Variants in PCDHA2 observed in about 807,000 individuals in gnomAD.
PCDHA2 encodes protocadherin alpha 2.
In PCDHA2, 58 loss-of-function variants were observed where a neutral mutation model predicts 66.0. That is an observed-to-expected ratio of 0.88 (90% CI 0.71 to 1.09). The LOEUF (loss-of-function observed/expected upper bound fraction) is 1.09, where lower values mean the gene tolerates loss of function less well. Ranked by LOEUF, PCDHA2 falls within the 50% of genes least tolerant of loss-of-function variation. The pLI is 0.00. For missense variants in PCDHA2, 1,267 were observed against 1,242.3 expected (o/e 1.02, Z -0.30); for synonymous variants, 634 against 554.0 (o/e 1.14, Z -2.03).
chr5:140,843,055 C>G lies in PCDHA2; in HGVS notation c.2388+45703C>G, dbSNP rs2150351247. 2.5e-6 allele frequency: 4 copies of G among 1,594,954 alleles called. No homozygotes were observed. In the African/African-American group the frequency reaches 4.0e-5, roughly 16 times the overall value. Reference sequence around the variant, plus strand: ...TGGGTGGCACTGGTGGCGCAGCGAGCAAGCTGGTGCCGCGGTCTGTGGGCG... The same window carrying G: ...TGGGTGGCACTGGTGGCGCAGCGAGGAAGCTGGTGCCGCGGTCTGTGGGCG... On this transcript the variant is annotated intron_variant, in intron 1 of 3. Transcript: ENST00000526136.
intron 3 of PCDHA2, among the ~76,000 whole-genome samples, chr5:140,997,912 A>T (rs2097790316): frequency 1.3e-5 from 2 of 152,224 alleles, no homozygotes. Context: ...GTAGAATTAC[A>T]GAATCATAGG....
chr5:140,913,164 T>C (rs1211762965), intron 1 of PCDHA2, among the ~76,000 whole-genome samples: 1 of 152,208 alleles, frequency 6.6e-6, no homozygotes, highest in Non-Finnish European at 1.5e-5. Flanking sequence ...GGATTGGTAT[T>C]AGTTCTTCTT....
chr5:140,870,552 G>A, intron 1 of PCDHA2: 2 of 1,614,042 alleles, frequency 1.2e-6, no homozygotes, highest in Non-Finnish European at 1.7e-6. Context: ...ACGCGGACGC[G>A]CAGGAGAACG....
chr5:140,882,303 G>A, intron 1 of PCDHA2: 1 of 1,613,824 alleles, frequency 6.2e-7, no homozygotes. Context: ...CCAAGACCGC[G>A]GCAACTACTG....
At chr5:140,927,716 G>T (rs782756674) in intron 1 of PCDHA2, 1 of 1,614,190 alleles carries the variant, frequency 6.2e-7, no homozygotes, top group South Asian at 1.1e-5. Context: ...CTAAGCAACA[G>T]CACGCAAGCA....
intron 1 of PCDHA2, among the ~76,000 whole-genome samples, chr5:140,922,088 T>C (rs1361534405): frequency 6.6e-6 from 1 of 152,184 alleles, no homozygotes; most frequent in Non-Finnish European, 1.5e-5. Context: ...AAGTGGTATT[T>C]CTACCAACTA....
In PCDHA2 at chr5:141,005,701, CAAAAAAAA is replaced by C. The variant is rs59860837; in HGVS notation, c.2537-3903_2537-3896del. Among the ~76,000 whole-genome samples, 45 of 7,788 alleles carry C rather than the reference CAAAAAAAA, an allele frequency of 5.8e-3. No individual in the cohort carries two copies. In the East Asian group the frequency reaches 0.064, roughly 11 times the overall value. 5.1% of individuals were successfully genotyped at this position (7,788 alleles called of 152,430 possible). A position where few individuals can be genotyped will look rare whatever the true frequency, so the allele number is the denominator to read the frequency against. On this transcript the variant is annotated intron_variant, in intron 3 of 3. Coordinates refer to ENST00000526136, the MANE Select transcript of PCDHA2 (RefSeq NM_018905.3). ...TGGGCGACAGAGCGAAACTCCGTCT[CAAAAAAAA>C]AAAAAAAAAAAAAAAAAAAAAAGAA...
chr5:140,808,957 G>A, intron 1 of PCDHA2: 4 of 1,613,546 alleles, frequency 2.5e-6, no homozygotes, highest in Non-Finnish European at 3.4e-6. Context: ...TGGGCCACGT[G>A]GTGGCAAAGG....
chr5:140,854,159 C>CAAAAA (rs59855104), intron 1 of PCDHA2: 4,589 of 339,800 alleles, frequency 0.014, 33 homozygotes, highest in Middle Eastern at 0.024. Flanking sequence ...GATTCTGTCT[C>CAAAAA]AAAAAAAAAA....
At chr5:140,842,699 T>A in intron 1 of PCDHA2, 3 of 1,595,060 alleles carry the variant, frequency 1.9e-6, no homozygotes, top group Non-Finnish European at 2.6e-6. Context: ...GCAGCCCGAG[T>A]ACACGGTGTT....
At chr5:140,877,881 G>T (rs782565949) in intron 1 of PCDHA2, 73 of 1,468,602 alleles carry the variant, frequency 5.0e-5, no homozygotes, top group Non-Finnish European at 5.9e-5. Flanking sequence ...TTTCCTTGAA[G>T]AACTTCCGTT....
chr5:140,858,120 T>A, intron 1 of PCDHA2: 1 of 1,597,738 alleles, frequency 6.3e-7, no homozygotes, highest in Non-Finnish European at 8.6e-7. Context: ...GAGGTGGCCC[T>A]GGTGGATGTC....
At chr5:140,853,891 G>T in intron 1 of PCDHA2, 1 of 976,002 alleles carries the variant, frequency 1.0e-6, no homozygotes. Flanking sequence ...AATTTAAAAA[G>T]ATGTGGTGGC....
chr5:140,897,720 G>A (rs1457512042), intron 1 of PCDHA2, among the ~76,000 whole-genome samples: 1 of 152,086 alleles, frequency 6.6e-6, no homozygotes, highest in Non-Finnish European at 1.5e-5. Context: ...GGGATGGCTG[G>A]GTCAAATAGT....
chr5:140,874,547 G>C (rs2054980934), intron 1 of PCDHA2, among the ~76,000 whole-genome samples: 1 of 152,190 alleles, frequency 6.6e-6, no homozygotes, highest in Non-Finnish European at 1.5e-5. Context: ...AACCCTTTAA[G>C]AGATCTTTCG....
chr5:141,002,399 T>C (rs1352771753), intron 3 of PCDHA2, among the ~76,000 whole-genome samples: 1 of 152,236 alleles, frequency 6.6e-6, no homozygotes, highest in African/African-American at 2.4e-5. Context: ...GGCATCTCTG[T>C]GCCTCCCAAA....
intron 1 of PCDHA2, among the ~76,000 whole-genome samples, chr5:140,895,618 T>C (rs569188891): frequency 1.1e-4 from 16 of 152,206 alleles, no homozygotes; most frequent in African/African-American, 3.9e-4. Context: ...TCATTGAGGG[T>C]GTTGTCTTTT....
chr5:140,980,762 T>C (rs1293384140), intron 2 of PCDHA2, among the ~76,000 whole-genome samples: 2 of 152,090 alleles, frequency 1.3e-5, no homozygotes, highest in Non-Finnish European at 2.9e-5. Context: ...AGAAATAAAA[T>C]AAAAATTGAA....
chr5:140,973,078 C>T (rs111586419), intron 1 of PCDHA2, among the ~76,000 whole-genome samples: 5,544 of 152,208 alleles, frequency 0.036, 303 homozygotes, highest in African/African-American at 0.12. Context: ...GTGGGCCCAG[C>T]TGGCACAACA....
Sources: gnomAD v4.1 joint callset for allele counts (sites outside exome capture counted in the v4.1 genomes callset) on GRCh38, gnomAD v4.1.1 for gene constraint, MANE v1.5 for transcripts, NCBI Gene and HGNC (gene_info 2026-07-23, HGNC 2026-07-21) for gene names.